Variants in DLEU7 observed in about 807,000 individuals in gnomAD.
DLEU7 encodes leukemia-associated protein 7.
DLEU7 carries 17 observed loss-of-function variants against 16.0 expected under a neutral mutation model. The observed-to-expected ratio is 1.06, with a 90% CI of 0.73 to 1.59. The LOEUF (loss-of-function observed/expected upper bound fraction) is 1.59. DLEU7 is among the 40% of genes most tolerant of loss of function. The pLI, the probability that DLEU7 is intolerant of heterozygous loss-of-function variation, is 0.00. For synonymous variants in DLEU7, 113 were observed against 139.8 expected, an observed-to-expected ratio of 0.81 and a Z score of 1.35; for missense variants, 308 against 314.9, an observed-to-expected ratio of 0.98 and a Z score of 0.17.
At chr13:50,839,550 T>G (rs1165088777) in intron 1 of DLEU7, among the ~76,000 whole-genome samples, 1 of 152,204 alleles carries the variant, frequency 6.6e-6, no homozygotes, top group African/African-American at 2.4e-5. Context: ...TCTGGTGGAT[T>G]GATCAGTGAG....
chr13:50,747,492 G>A (rs1250928385), intron 1 of DLEU7, among the ~76,000 whole-genome samples: 1 of 151,888 alleles, frequency 6.6e-6, no homozygotes, highest in Non-Finnish European at 1.5e-5. Context: ...GAAGATGAGA[G>A]GGACTGTGCA....
At chr13:50,829,362 A>C (rs1877189998) in intron 1 of DLEU7, among the ~76,000 whole-genome samples, 1 of 152,250 alleles carries the variant, frequency 6.6e-6, no homozygotes, top group South Asian at 2.1e-4. Context: ...ACAAAGTATA[A>C]GGATCAAAGA....
chr13:50,753,778 C>T (rs1232106969), intron 1 of DLEU7, among the ~76,000 whole-genome samples: 7 of 152,240 alleles, frequency 4.6e-5, no homozygotes, highest in Admixed American at 4.6e-4. Flanking sequence ...GGCTGAAAGG[C>T]TCCTCAAGTG....
At chr13:50,718,489 T>C (rs1873501043) in intron 1 of DLEU7, among the ~76,000 whole-genome samples, 1 of 152,224 alleles carries the variant, frequency 6.6e-6, no homozygotes, top group South Asian at 2.1e-4. Context: ...AGAAGGAATC[T>C]ACTAACTAGT....
chr13:50,748,055 C>A (rs1874450853), intron 1 of DLEU7, among the ~76,000 whole-genome samples: 1 of 152,136 alleles, frequency 6.6e-6, no homozygotes, highest in Non-Finnish European at 1.5e-5. Context: ...ATCAAGCGCA[C>A]AAACATTTGT....
intron 1 of DLEU7, among the ~76,000 whole-genome samples, chr13:50,779,158 T>C (rs951362043): frequency 3.9e-5 from 6 of 152,268 alleles, no homozygotes; most frequent in African/African-American, 1.4e-4. Flanking sequence ...GTGACAGATA[T>C]CGCCAAGCAC....
chr13:50,727,214 CGTGTGTGTGT>C (rs3990136), intron 1 of DLEU7, among the ~76,000 whole-genome samples: 2 of 150,078 alleles, frequency 1.3e-5, no homozygotes, highest in Non-Finnish European at 3.0e-5. Context: ...CTCTTGCATA[CGTGTGTGTGT>C]GTGTGTGTGA....
At position 50,843,197 on chromosome 13, in the gene DLEU7, A is replaced by G. The variant is rs1877728788; in HGVS notation, c.450T>C (p.Ile150=). 1 of 1,592,850 alleles carries G rather than the reference A, an allele frequency of 6.3e-7. No homozygotes were observed. The highest frequency in any genetic ancestry group is 8.5e-7 in the Non-Finnish European group (1 of 1,170,628). The change falls in exon 1 of 2, where the codon ATT becomes ATC. Residue 150 remains isoleucine, a synonymous_variant. Coordinates refer to ENST00000504404, the MANE Select transcript of DLEU7 (RefSeq NM_001306135.2). This position sits in a 1 kb window ranked among gnomAD's most constrained non-coding sequence, Gnocchi z 5.7. ...GPLQQERSFP[I]HLKDSVEFRN... ...CGGGGGCCAGACTCACCTTCAGGTG[A>G]ATGGGAAAGGACCGCTCCTGCTGGA...
At chr13:50,790,583 TG>T (rs1875927722) in intron 1 of DLEU7, among the ~76,000 whole-genome samples, 1 of 151,978 alleles carries the variant, frequency 6.6e-6, no homozygotes, top group African/African-American at 2.4e-5. Flanking sequence ...TCACACACAC[TG>T]GTGGAAAGGA....
intron 1 of DLEU7, among the ~76,000 whole-genome samples, chr13:50,797,937 C>G (rs957124514): frequency 2.0e-5 from 3 of 152,156 alleles, no homozygotes; most frequent in African/African-American, 4.8e-5. Context: ...GATTTAGCCC[C>G]TCTTCTGGGT....
intron 1 of DLEU7, among the ~76,000 whole-genome samples, chr13:50,792,140 T>C (rs1391125093): frequency 2.0e-5 from 3 of 152,234 alleles, no homozygotes; most frequent in African/African-American, 7.2e-5. Flanking sequence ...TCAGAACCAG[T>C]GTATTATATA....
chr13:50,717,581 T>G (rs371378966), intron 1 of DLEU7, among the ~76,000 whole-genome samples: 22 of 116,812 alleles, frequency 1.9e-4, no homozygotes, highest in East Asian at 1.4e-3. Context: ...AGGCTGTGGG[T>G]TTTTTTTTTT....
rs535611493 is a variant in DLEU7, at chr13:50,755,782, T to C, written c.460-42542A>G. On this transcript the variant is annotated intron_variant, in intron 1 of 1. Transcript: ENST00000400393. The stretch of plus-strand genomic sequence containing the variant: ...GGGGGGGCACGGTATTAAAGAACTT[T>C]GTACTTTGTTTTGCCATATTACCAG... Among the ~76,000 whole-genome samples, 7 of 152,212 alleles carry C rather than the reference T, an allele frequency of 4.6e-5. No homozygotes were observed. The South Asian group carries it at 1.5e-3, about 32-fold the overall frequency.
intron 1 of DLEU7, among the ~76,000 whole-genome samples, chr13:50,742,001 T>C (rs968842682): frequency 3.3e-5 from 5 of 152,162 alleles, no homozygotes; most frequent in African/African-American, 1.2e-4. Context: ...ATCTCACATA[T>C]AGATGTTCAC....
chr13:50,714,417 C>T lies in DLEU7; in HGVS notation c.460-1177G>A, dbSNP rs576794375. Among the ~76,000 whole-genome samples, 11 of 152,276 alleles carry T rather than the reference C, an allele frequency of 7.2e-5. No individual in the cohort carries two copies. The East Asian group carries it at 1.4e-3, about 19-fold the overall frequency. ...TATCATTAGAATGTTAAACCTAAAACGGTAAGCCATTCTGTGAATACCTTT... is the reference window on the plus strand; with the variant it reads ...TATCATTAGAATGTTAAACCTAAAATGGTAAGCCATTCTGTGAATACCTTT... On this transcript the variant is annotated intron_variant, in intron 1 of 1. Coordinates refer to the DLEU7 transcript ENST00000400393.
chr13:50,752,234 G>A (rs964368492), intron 1 of DLEU7, among the ~76,000 whole-genome samples: 2 of 151,882 alleles, frequency 1.3e-5, no homozygotes, highest in Non-Finnish European at 2.9e-5. Flanking sequence ...TGTATTTTTA[G>A]TAGAGACGGG....
In DLEU7 at chr13:50,843,496, C is replaced by T. The variant is rs752815935; in HGVS notation, c.151G>A (p.Ala51Thr). 420 of 1,387,740 alleles carry T rather than the reference C, an allele frequency of 3.0e-4. 2 individuals are homozygous for T. The highest frequency in any genetic ancestry group is 4.0e-5 in the Non-Finnish European group (43 of 1,081,152). 86.0% of individuals were successfully genotyped at this position (1,387,740 alleles called of 1,614,324 possible). A position where few individuals can be genotyped will look rare whatever the true frequency, so the allele number is the denominator to read the frequency against. ...RDPDHVSTAP[A>T]RRSGPPRARP... ...GCCCGCGGCGGGCCTGAGCGACGGG[C>T]TGGAGCGGTGGACACGTGGTCTGGG... Residue 51 changes from alanine (A) to threonine (T), a missense_variant, in exon 1 of 2, where the codon GCC (alanine) becomes ACC (threonine). By Grantham distance (58) the Ala-to-Thr change is moderately conservative (BLOSUM62 0). Coordinates refer to ENST00000504404, the MANE Select transcript of DLEU7 (RefSeq NM_001306135.2). This position sits in a 1 kb window ranked among gnomAD's most constrained non-coding sequence, Gnocchi z 5.7.
At chr13:50,743,653 A>G (rs1388934832) in intron 1 of DLEU7, among the ~76,000 whole-genome samples, 5 of 152,200 alleles carry the variant, frequency 3.3e-5, no homozygotes, top group Admixed American at 2.6e-4. Context: ...GGAAATTTGT[A>G]TTGAGAGCAA....
intron 1 of DLEU7, among the ~76,000 whole-genome samples, chr13:50,782,441 A>G (rs1875680411): frequency 6.6e-6 from 1 of 152,162 alleles, no homozygotes; most frequent in African/African-American, 2.4e-5. Context: ...GCCATAACCA[A>G]AACTTTAGTC....
Sources: allele counts gnomAD v4.1 joint callset (sites outside exome capture counted in the v4.1 genomes callset), GRCh38; gene constraint gnomAD v4.1.1; non-coding constraint Gnocchi (gnomAD v3.1); transcripts MANE v1.5; gene names NCBI Gene and HGNC (gene_info 2026-07-23, HGNC 2026-07-21).